Variants in ARSJ observed in about 807,000 individuals in gnomAD.
ARSJ encodes arylsulfatase family member J.
Under a neutral mutation model 35.9 loss-of-function variants are expected in ARSJ, and 26 were observed. The observed-to-expected ratio is 0.72, with a 90% CI of 0.53 to 1.00. ARSJ has a LOEUF of 1.00. Ranked by LOEUF, ARSJ falls within the 50% of genes least tolerant of loss-of-function variation. The probability of loss-of-function intolerance (pLI) is 0.00; values close to 1 mark genes in which losing one functional copy is unlikely to be tolerated. For missense variants in ARSJ, 667 were observed against 723.6 expected, an observed-to-expected ratio of 0.92 and a Z score of 0.90; for synonymous variants, 294 against 267.6, an observed-to-expected ratio of 1.10 and a Z score of -0.96.
At chr4:113,950,293 C>T (rs1725776595) in intron 1 of ARSJ, among the ~76,000 whole-genome samples, 1 of 152,046 alleles carries the variant, frequency 6.6e-6, no homozygotes, top group South Asian at 2.1e-4. Context: ...TCTAACCCTC[C>T]CCCTTCCTTT....
rs2149245076 is a variant in ARSJ at position 113,902,176 on chromosome 4, G to A, written c.*98C>T. 2 of 1,598,980 alleles carry A rather than the reference G, an allele frequency of 1.3e-6. No individual in the cohort carries two copies. The highest frequency in any genetic ancestry group is 8.5e-7 in the Non-Finnish European group (1 of 1,179,868). Reference sequence around the variant, plus strand: ...AGCATGAAAACAAGCCTGACGCTTAGGCCAGCGATATTATCGAGCCAAATT... The same window carrying A: ...AGCATGAAAACAAGCCTGACGCTTAAGCCAGCGATATTATCGAGCCAAATT... On this transcript the variant is annotated 3_prime_UTR_variant, in exon 2 of 2. Coordinates refer to ENST00000315366, the MANE Select transcript of ARSJ (RefSeq NM_024590.4).
In ARSJ at chr4:113,902,883, T is replaced by C. The variant is rs1200879204; in HGVS notation, c.1191A>G (p.Gln397=). ...TCTCCCAGATATCATAGCCATCTAGTTGAATGTCCTCATCAATCTGTCCTT... is the reference window on the plus strand; with the variant it reads ...TCTCCCAGATATCATAGCCATCTAGCTGAATGTCCTCATCAATCTGTCCTT... ...LAEGQIDEDI[Q]LDGYDIWETI... The change falls in exon 2 of 2, where the codon CAA becomes CAG. Residue 397 remains glutamine, a synonymous_variant. Transcript: ENST00000315366. 1.2e-6 allele frequency: 2 copies of C among 1,614,134 alleles called. No homozygotes were observed. Among genetic ancestry groups the C allele is most frequent in the Non-Finnish European group, 1.7e-6 (2 of 1,180,026 alleles).
At position 113,901,436 on chromosome 4, in the gene ARSJ, A is replaced by G. The variant is rs2099667002; in HGVS notation, c.*838T>C. 1.3e-5 allele frequency: 2 copies of G among 151,352 alleles called. No individual in the cohort carries two copies. The highest frequency in any genetic ancestry group is 1.3e-4 in the Admixed American group (2 of 15,102). The allele number at this position is 151,352 out of a possible 1,614,324, so 9.4% of individuals were successfully genotyped here. ...TTACAGTGCTTGGTAATTTGAAGAA[A>G]TGAAATAAAATTATTCTAATGGTAT... is the stretch of plus-strand genomic sequence containing the variant. On this transcript the variant is annotated 3_prime_UTR_variant, in exon 2 of 2. Coordinates refer to ENST00000315366, the MANE Select transcript of ARSJ (RefSeq NM_024590.4).
intron 1 of ARSJ, among the ~76,000 whole-genome samples, chr4:113,926,607 A>G (rs1468799632): frequency 6.6e-6 from 1 of 152,152 alleles, no homozygotes; most frequent in African/African-American, 2.4e-5. Flanking sequence ...TATTTGAGCC[A>G]CTTCCTCATA....
chr4:113,928,367 G>A (rs1724213734), intron 1 of ARSJ, among the ~76,000 whole-genome samples: 1 of 152,130 alleles, frequency 6.6e-6, no homozygotes, highest in Non-Finnish European at 1.5e-5. Context: ...CAAGGGGTTT[G>A]GGGTCTGTAA....
chr4:113,952,640 A>C (rs1453468677), intron 1 of ARSJ, among the ~76,000 whole-genome samples: 1 of 152,110 alleles, frequency 6.6e-6, no homozygotes, highest in Non-Finnish European at 1.5e-5. Context: ...CTAGAGGGAA[A>C]TAGAGGGCTG....
chr4:113,903,143 G>C lies in ARSJ; in HGVS notation c.931C>G (p.Leu311Val). The C allele has an allele frequency of 6.2e-7, 1 of 1,614,198 alleles. No individual in the cohort carries two copies. The highest frequency in any genetic ancestry group is 8.5e-7 in the Non-Finnish European group (1 of 1,180,044). Residue 311 changes from leucine (L) to valine (V), a missense_variant, in exon 2 of 2, where the codon CTA (leucine) becomes GTA (valine). Physicochemically the swap from Leu to Val is conservative, Grantham distance 32 (BLOSUM62 1). Coordinates refer to ENST00000315366, the MANE Select transcript of ARSJ (RefSeq NM_024590.4). ...DEAINNVTLA[L>V]KTYGFYNNSI... is the part of the protein sequence containing the mutation. ...TTGTTATAGAAACCATAAGTCTTTAGAGCCAATGTCACGTTGTTGATTGCT... is the reference window on the plus strand; with the variant it reads ...TTGTTATAGAAACCATAAGTCTTTACAGCCAATGTCACGTTGTTGATTGCT...
Position 113,978,966 on chromosome 4 carries a change from C to T in ARSJ, c.-132G>A. ...AATCCTCCTCTCCTCTCAGCTGTCA[C>T]CATGTCCGACAACTTTAATCTTCCA... On this transcript the variant is annotated 5_prime_UTR_variant, in exon 1 of 2. In the 5' UTR this introduces an upstream ATG that the reference lacks. Transcript: ENST00000315366. 2.1e-6 allele frequency: 2 copies of T among 940,490 alleles called. No individual in the cohort carries two copies. Among genetic ancestry groups the T allele is most frequent in the African/African-American group, 1.7e-5 (1 of 60,498 alleles). The allele number at this position is 940,490 out of a possible 1,614,324, so 58.3% of individuals were successfully genotyped here. A position where few individuals can be genotyped will look rare whatever the true frequency, so the allele number is the denominator to read the frequency against.
intron 1 of ARSJ, among the ~76,000 whole-genome samples, chr4:113,972,915 A>AT (rs1170951772): frequency 6.6e-6 from 1 of 152,148 alleles, no homozygotes; most frequent in Non-Finnish European, 1.5e-5. Flanking sequence ...CTTCTAGACA[A>AT]TTTTGGCTCT....
rs937087435 is a variant in ARSJ at position 113,978,916 on chromosome 4, G to A, written c.-82C>T. 2 of 1,411,834 alleles carry A rather than the reference G, an allele frequency of 1.4e-6. No individual in the cohort carries two copies. The highest frequency in any genetic ancestry group is 1.9e-6 in the Non-Finnish European group (2 of 1,047,880). 87.5% of individuals were successfully genotyped at this position (1,411,834 alleles called of 1,614,324 possible). A position where few individuals can be genotyped will look rare whatever the true frequency, so the allele number is the denominator to read the frequency against. ...GGGCGCACACATGCACCCAACAGAC[G>A]GTGAAGACTCTCCACCTGGCAAGAA... On this transcript the variant is annotated 5_prime_UTR_variant, in exon 1 of 2. Coordinates refer to ENST00000315366, the MANE Select transcript of ARSJ (RefSeq NM_024590.4).
Position 113,978,779 on chromosome 4 carries a change from A to G in ARSJ, c.56T>C (p.Val19Ala). Residue 19 changes from valine to alanine, a missense_variant, in exon 1 of 2, where the codon GTC becomes GCC. Physicochemically the swap from Val to Ala is moderately conservative, Grantham distance 64. Transcript: ENST00000315366. ...CATTGCTAGCATCTTTCCAGGACAG[A>G]CACAGGCCTGTGGAGAAGGCGGAGG... ...HPPPPSPQAC[V>A]CPGKMLAMGA... The G allele has an allele frequency of 1.2e-6, 2 of 1,614,120 alleles. No individual in the cohort carries two copies. Among genetic ancestry groups the G allele is most frequent in the Non-Finnish European group, 1.7e-6 (2 of 1,179,962 alleles).
At chr4:113,922,167 C>CT (rs1179840934) in intron 1 of ARSJ, among the ~76,000 whole-genome samples, 3 of 152,096 alleles carry the variant, frequency 2.0e-5, no homozygotes, top group African/African-American at 7.2e-5. Context: ...GGGACATCTT[C>CT]TGATTAAGTA....
At position 113,902,046 on chromosome 4, in the gene ARSJ, A is replaced by T. The variant is rs1265971022; in HGVS notation, c.*228T>A. On this transcript the variant is annotated 3_prime_UTR_variant, in exon 2 of 2. Transcript: ENST00000315366. ...TTTTCTAAAGGAGCAAGAGAAATAAACATCTCCACTCTCTCTAAGTGTGGC... is the reference window on the plus strand; with the variant it reads ...TTTTCTAAAGGAGCAAGAGAAATAATCATCTCCACTCTCTCTAAGTGTGGC... 2.2e-6 allele frequency: 3 copies of T among 1,346,568 alleles called. No individual in the cohort carries two copies. The highest frequency in any genetic ancestry group is 3.0e-6 in the Non-Finnish European group (3 of 999,868). The allele number at this position is 1,346,568 out of a possible 1,614,324, so 83.4% of individuals were successfully genotyped here. A position where few individuals can be genotyped will look rare whatever the true frequency, so the allele number is the denominator to read the frequency against.
intron 1 of ARSJ, among the ~76,000 whole-genome samples, chr4:113,957,613 C>CA (rs1453989559): frequency 6.6e-6 from 1 of 152,020 alleles, no homozygotes; most frequent in Non-Finnish European, 1.5e-5. Flanking sequence ...CTGTTGAGCA[C>CA]AAAACCAAAA....
rs758747858 is a variant in ARSJ at position 113,978,587 on chromosome 4, G to T, written c.248C>A (p.Ala83Glu). The T allele has an allele frequency of 2.5e-6, 4 of 1,614,054 alleles. No homozygotes were observed. The highest frequency in any genetic ancestry group is 2.7e-5 in the African/African-American group (2 of 74,928). ...TSQPHLIFIL[A>E]DDQGFRDVGY... ...CACATCTCTAAATCCCTGATCATCC[G>T]CTAGGATGAAAATGAGATGGGGCTG... Residue 83 changes from alanine (A) to glutamate (E), a missense_variant, in exon 1 of 2, where the codon GCG (alanine) becomes GAG (glutamate). Transcript: ENST00000315366.
intron 1 of ARSJ, among the ~76,000 whole-genome samples, chr4:113,942,477 T>G (rs1725217456): frequency 6.6e-6 from 1 of 152,022 alleles, no homozygotes; most frequent in Non-Finnish European, 1.5e-5. Flanking sequence ...CCAAATAAAC[T>G]CCAAACAATA....
intron 1 of ARSJ, among the ~76,000 whole-genome samples, chr4:113,948,134 A>G (rs1055243352): frequency 6.6e-6 from 1 of 152,160 alleles, no homozygotes; most frequent in Non-Finnish European, 1.5e-5. Flanking sequence ...GGTTGCAGCC[A>G]GCCGAGATTG....
chr4:113,906,799 G>A (rs1009623140), intron 1 of ARSJ: 4 of 454,014 alleles, frequency 8.8e-6, no homozygotes, highest in African/African-American at 8.0e-5. Context: ...TTGGAAGGGA[G>A]CAGAGTCTAG....
chr4:113,952,410 A>C (rs571477451), intron 1 of ARSJ, among the ~76,000 whole-genome samples: 12 of 152,174 alleles, frequency 7.9e-5, no homozygotes, highest in African/African-American at 2.6e-4. Context: ...CTCTTTTTTG[A>C]CATTGAGATA....
Sources: allele counts gnomAD v4.1 joint callset (sites outside exome capture counted in the v4.1 genomes callset), GRCh38; gene constraint gnomAD v4.1.1; transcripts MANE v1.5; gene names NCBI Gene and HGNC (gene_info 2026-07-23, HGNC 2026-07-21).